LRMDA: variants seen among roughly 807,000 people sequenced by gnomAD.
The protein encoded by LRMDA is leucine-rich melanocyte differentiation-associated protein.
A neutral mutation model predicts 29.8 loss-of-function variants in LRMDA; 18 were observed. That is an observed-to-expected ratio of 0.60 (90% confidence interval 0.42 to 0.90). The LOEUF is 0.90. Among genes scored for constraint, LRMDA ranks in the 40% least tolerant of loss-of-function variants. LRMDA has a pLI of 0.00. For missense variants in LRMDA, 273 were observed against 273.9 expected (o/e 1.00, Z 0.02); for synonymous variants, 125 against 109.4 (o/e 1.14, Z -0.89).
intron 2 of LRMDA, among the ~76,000 whole-genome samples, chr10:75,512,840 G>A (rs1003532885): frequency 6.6e-6 from 1 of 152,192 alleles, no homozygotes; most frequent in Admixed American, 6.5e-5. Context: ...GTGTGGACAT[G>A]AGGGTTTGCA....
chr10:75,850,235 G>A (rs956913305), intron 2 of LRMDA, among the ~76,000 whole-genome samples: 60 of 152,170 alleles, frequency 3.9e-4, no homozygotes, highest in Non-Finnish European at 1.0e-4. Flanking sequence ...GGAATAAAAA[G>A]ATTAAAAACT....
At chr10:75,500,067 A>G (rs2132068405) in intron 2 of LRMDA, among the ~76,000 whole-genome samples, 1 of 152,230 alleles carries the variant, frequency 6.6e-6, no homozygotes. Flanking sequence ...AGAGCCCTTT[A>G]GTTGAGTGAT....
chr10:75,769,112 T>C (rs1448337898), intron 2 of LRMDA, among the ~76,000 whole-genome samples: 1 of 152,182 alleles, frequency 6.6e-6, no homozygotes, highest in African/African-American at 2.4e-5. Flanking sequence ...CAATCAGAGG[T>C]TTGCTTCAGC....
chr10:75,611,463 C>T (rs1241674681), intron 2 of LRMDA, among the ~76,000 whole-genome samples: 4 of 152,180 alleles, frequency 2.6e-5, no homozygotes, highest in African/African-American at 7.2e-5. Flanking sequence ...ATCTCCAGAA[C>T]TGTTTTCATC....
At chr10:75,951,918 TG>T (rs1045072870) in intron 2 of LRMDA, among the ~76,000 whole-genome samples, 4 of 152,208 alleles carry the variant, frequency 2.6e-5, no homozygotes, top group African/African-American at 9.6e-5. Context: ...AGGGACTTTC[TG>T]GGGGACGGAG....
intron 5 of LRMDA, among the ~76,000 whole-genome samples, chr10:76,159,165 A>T (rs898447698): frequency 5.9e-5 from 9 of 152,206 alleles, no homozygotes; most frequent in African/African-American, 2.2e-4. Context: ...ATTATGCTGA[A>T]TAAAACAACC....
chr10:76,246,981 TGAAAAC>T (rs1057001465), intron 5 of LRMDA, among the ~76,000 whole-genome samples: 1 of 152,146 alleles, frequency 6.6e-6, no homozygotes, highest in Admixed American at 6.5e-5. Flanking sequence ...ATATTTTAAG[TGAAAAC>T]AATGGATTTA....
At chr10:76,180,277 C>CTTTTT (rs34563574) in intron 5 of LRMDA, among the ~76,000 whole-genome samples, 11 of 89,862 alleles carry the variant, frequency 1.2e-4, no homozygotes, top group South Asian at 4.8e-4. Flanking sequence ...TTGGAAAAAA[C>CTTTTT]TTTTTTTTTT....
intron 2 of LRMDA, among the ~76,000 whole-genome samples, chr10:75,802,568 A>G (rs1268066869): frequency 6.6e-6 from 1 of 152,110 alleles, no homozygotes; most frequent in East Asian, 1.9e-4. Context: ...TACAGAAGGC[A>G]GTATCTTTGG....
intron 2 of LRMDA, among the ~76,000 whole-genome samples, chr10:75,900,235 GT>G (rs1246157329): frequency 1.3e-5 from 2 of 152,306 alleles, no homozygotes; most frequent in East Asian, 3.9e-4. Context: ...CACCACAAGA[GT>G]TAAGTCTGTC....
In LRMDA at chr10:75,498,051, G is replaced by A. The variant is rs186264729; in HGVS notation, c.131+59557G>A. Among the ~76,000 whole-genome samples, 18 of 152,240 alleles carry A rather than the reference G, an allele frequency of 1.2e-4. 1 individual carries two copies. The highest frequency in any genetic ancestry group is 2.0e-4 in the Admixed American group (3 of 15,288). On this transcript the variant is annotated intron_variant, in intron 2 of 6. Transcript: ENST00000611255. Reference sequence around the variant, plus strand: ...AAAGTATTGAAGTTCTGGTTGCTCCGTGTCCTCACCAACATTTGGTGTTGT... The same window carrying A: ...AAAGTATTGAAGTTCTGGTTGCTCCATGTCCTCACCAACATTTGGTGTTGT...
At chr10:75,660,072 T>A (rs74468361) in intron 2 of LRMDA, among the ~76,000 whole-genome samples, 1 of 151,076 alleles carries the variant, frequency 6.6e-6, no homozygotes, top group Non-Finnish European at 1.5e-5. Flanking sequence ...TCTTTCTCCC[T>A]CTCTCTCTCT....
chr10:76,293,003 C>G (rs1183203516), intron 5 of LRMDA, among the ~76,000 whole-genome samples: 1 of 152,174 alleles, frequency 6.6e-6, no homozygotes, highest in Non-Finnish European at 1.5e-5. Context: ...GATTCTTGCT[C>G]TGTCACCCAG....
At chr10:75,739,424 A>G (rs1842803709) in intron 2 of LRMDA, among the ~76,000 whole-genome samples, 1 of 152,232 alleles carries the variant, frequency 6.6e-6, no homozygotes, top group Admixed American at 6.5e-5. Flanking sequence ...GAAAATAGCT[A>G]CATGAAAATT....
chr10:76,392,883 T>C (rs1564528890), intron 6 of LRMDA, among the ~76,000 whole-genome samples: 1 of 152,148 alleles, frequency 6.6e-6, no homozygotes, highest in Non-Finnish European at 1.5e-5. Context: ...CATTCTCCTC[T>C]CTGCTTCAAT....
chr10:76,476,895 G>A (rs979665934), intron 6 of LRMDA, among the ~76,000 whole-genome samples: 1 of 151,990 alleles, frequency 6.6e-6, no homozygotes, highest in African/African-American at 2.4e-5. Flanking sequence ...TTGATGGGAC[G>A]TATCTCAAAA....
Position 75,737,577 on chromosome 10 carries a change from T to G in LRMDA, c.132-298431T>G, listed in dbSNP as rs182142660. Among the ~76,000 whole-genome samples, 191 of 152,328 alleles carry G rather than the reference T, an allele frequency of 1.3e-3. 1 individual carries two copies. Among genetic ancestry groups the G allele is most frequent in the African/African-American group, 4.4e-3 (181 of 41,576 alleles). The stretch of plus-strand genomic sequence containing the variant: ...ATTTCCTAATCCTGTTTTGTTTTGT[T>G]TTTAAACCCAGAGATACAAAGACTT... On this transcript the variant is annotated intron_variant, in intron 2 of 6. Transcript: ENST00000611255.
At chr10:75,749,333 C>A (rs1418438196) in intron 2 of LRMDA, among the ~76,000 whole-genome samples, 2 of 151,950 alleles carry the variant, frequency 1.3e-5, no homozygotes, top group Non-Finnish European at 1.5e-5. Flanking sequence ...TTTGGGGGAG[C>A]CAAAAGTTTT....
At chr10:75,691,209 CAT>C (rs757137330) in intron 2 of LRMDA, among the ~76,000 whole-genome samples, 121 of 136,082 alleles carry the variant, frequency 8.9e-4, no homozygotes, top group Non-Finnish European at 1.0e-3. Context: ...CACACACACA[CAT>C]ATATATATAC....
Sources: allele counts gnomAD v4.1 joint callset (sites outside exome capture counted in the v4.1 genomes callset), GRCh38; gene constraint gnomAD v4.1.1; transcripts MANE v1.5; gene names NCBI Gene and HGNC (gene_info 2026-07-23, HGNC 2026-07-21).